Variants in NEK11 observed in about 807,000 individuals in gnomAD.
NEK11 encodes the protein NIMA related kinase 11, also known as serine/threonine-protein kinase Nek11.
In NEK11, 72 loss-of-function variants were observed where a neutral mutation model predicts 80.7. The ratio of observed to expected loss-of-function variants is 0.89; its 90% CI spans 0.74 to 1.08. NEK11 has a LOEUF of 1.08. NEK11 is among the 50% of genes least tolerant of loss of function. The pLI is 0.00. For missense variants in NEK11, 764 were observed against 763.6 expected (o/e 1.00, Z -0.01); for synonymous variants, 251 against 260.7 (o/e 0.96, Z 0.36).
At chr3:131,041,333 C>A (rs181545690) in intron 3 of NEK11, among the ~76,000 whole-genome samples, 15 of 152,214 alleles carry the variant, frequency 9.9e-5, no homozygotes, top group Admixed American at 9.8e-4. Flanking sequence ...ATGAATTGGA[C>A]CTGACACATA....
At chr3:131,038,667 T>G (rs2066001871) in intron 3 of NEK11, among the ~76,000 whole-genome samples, 1 of 152,220 alleles carries the variant, frequency 6.6e-6, no homozygotes, top group Non-Finnish European at 1.5e-5. Context: ...TCAAAAATTC[T>G]TCTTAAAAAT....
intron 14 of NEK11, among the ~76,000 whole-genome samples, chr3:131,194,489 A>G (rs1229332605): frequency 6.6e-6 from 1 of 152,106 alleles, no homozygotes; most frequent in Non-Finnish European, 1.5e-5. Context: ...GAAATGCATA[A>G]TATTTCCTTA....
chr3:131,327,948 G>GGCTACATCTGCAGCATGTGGCACATACT lies in NEK11; in HGVS notation c.1719-21608_1719-21581dup, dbSNP rs770867275. 2.4e-3 allele frequency among the ~76,000 whole-genome samples: 366 copies of GGCTACATCTGCAGCATGTGGCACATACT among 152,206 alleles called. 2 individuals carry two copies. Among genetic ancestry groups the GGCTACATCTGCAGCATGTGGCACATACT allele is most frequent in the Non-Finnish European group, 4.0e-3 (269 of 68,006 alleles). ...GAGGTCTGTGAGGTCAGAGGCTTGT[G>GGCTACATCTGCAGCATGTGGCACATACT]GCTACATCTGCAGCATGTGGCACAT... On this transcript the variant is annotated intron_variant, in intron 17 of 17. Coordinates refer to ENST00000383366, the MANE Select transcript of NEK11 (RefSeq NM_024800.5).
At chr3:131,079,648 A>G (rs2074921840) in intron 3 of NEK11, among the ~76,000 whole-genome samples, 1 of 152,164 alleles carries the variant, frequency 6.6e-6, no homozygotes, top group Admixed American at 6.5e-5. Flanking sequence ...ATTCCCAAAG[A>G]GTTATCACAA....
intron 3 of NEK11, among the ~76,000 whole-genome samples, chr3:131,052,694 T>A (rs2068642090): frequency 6.6e-6 from 1 of 152,174 alleles, no homozygotes; most frequent in African/African-American, 2.4e-5. Flanking sequence ...GTTGTAAAAT[T>A]GTCTAGTTTT....
intron 3 of NEK11, among the ~76,000 whole-genome samples, chr3:131,054,794 GAATGAA>G (rs2069119907): frequency 8.6e-6 from 1 of 116,114 alleles, no homozygotes; most frequent in Admixed American, 8.7e-5. Flanking sequence ...ATAAATAAAT[GAATGAA>G]TGTACCCGGT....
At chr3:131,341,672 G>C (rs1258569170) in intron 17 of NEK11, among the ~76,000 whole-genome samples, 1 of 152,090 alleles carries the variant, frequency 6.6e-6, no homozygotes, top group East Asian at 1.9e-4. Context: ...TTTTGATTCT[G>C]TTTTATTAGA....
At chr3:131,187,135 T>C (rs1479650647) in intron 14 of NEK11, among the ~76,000 whole-genome samples, 1 of 152,156 alleles carries the variant, frequency 6.6e-6, no homozygotes, top group East Asian at 1.9e-4. Context: ...TGCTGTCTGA[T>C]TTGAAATCCA....
intron 17 of NEK11, among the ~76,000 whole-genome samples, chr3:131,307,746 G>A (rs990343887): frequency 6.6e-6 from 1 of 152,198 alleles, no homozygotes; most frequent in African/African-American, 2.4e-5. Flanking sequence ...AGCTTATCAT[G>A]TGATGTTTTA....
Position 131,170,774 on chromosome 3 carries a change from A to T in NEK11, c.1286A>T (p.Glu429Val). Residue 429 changes from glutamate to valine, a missense_variant and splice_region_variant, in exon 14 of 18, where the codon GAA (glutamate) becomes GTA (valine). Coordinates refer to ENST00000383366, the MANE Select transcript of NEK11 (RefSeq NM_024800.5). ...DEERWQGREE[E>V]SDEPTLENLP... ...GAATTGTTAATTACCTTCCACAAGG[A>T]ATCTGATGAACCAACTTTAGAGAAC... The T allele has an allele frequency of 6.2e-7, 1 of 1,600,212 alleles. No homozygotes were observed. Among genetic ancestry groups the T allele is most frequent in the Non-Finnish European group, 8.6e-7 (1 of 1,167,304 alleles).
chr3:131,210,356 G>C (rs1432337869), intron 14 of NEK11, among the ~76,000 whole-genome samples: 1 of 152,274 alleles, frequency 6.6e-6, no homozygotes, highest in East Asian at 1.9e-4. Flanking sequence ...TATAATTTCT[G>C]TTCTTTTACG....
At chr3:131,147,954 A>G (rs2088734849) in intron 7 of NEK11, among the ~76,000 whole-genome samples, 1 of 151,938 alleles carries the variant, frequency 6.6e-6, no homozygotes, top group African/African-American at 2.4e-5. Flanking sequence ...AAAATAATAA[A>G]CTTTCAATAT....
At chr3:131,261,253 C>A (rs1456252177) in intron 16 of NEK11, among the ~76,000 whole-genome samples, 1 of 152,158 alleles carries the variant, frequency 6.6e-6, no homozygotes, top group East Asian at 1.9e-4. Context: ...CATCCAATTG[C>A]CAAATGTGTC....
At chr3:131,342,745 G>A (rs1426754212) in intron 17 of NEK11, among the ~76,000 whole-genome samples, 1 of 151,730 alleles carries the variant, frequency 6.6e-6, no homozygotes, top group African/African-American at 2.4e-5. Context: ...GTGTGTGTGT[G>A]TATATGTATG....
intron 17 of NEK11, among the ~76,000 whole-genome samples, chr3:131,290,729 G>A (rs2096535035): frequency 1.3e-5 from 2 of 152,146 alleles, no homozygotes; most frequent in Admixed American, 1.3e-4. Context: ...GCCAAACTCT[G>A]TAAGATCAGA....
At chr3:131,227,923 T>C (rs900757953) in intron 14 of NEK11, among the ~76,000 whole-genome samples, 14 of 152,148 alleles carry the variant, frequency 9.2e-5, no homozygotes, top group African/African-American at 3.4e-4. Context: ...TTAAAATAAG[T>C]GCTGAATGTA....
intron 17 of NEK11, among the ~76,000 whole-genome samples, chr3:131,302,973 A>G (rs2096678345): frequency 6.6e-6 from 1 of 152,158 alleles, no homozygotes; most frequent in East Asian, 1.9e-4. Context: ...TTGTGTGGTT[A>G]TCTAAGTCTC....
chr3:131,346,174 T>C (rs1292237434), intron 17 of NEK11, among the ~76,000 whole-genome samples: 1 of 152,136 alleles, frequency 6.6e-6, no homozygotes, highest in Non-Finnish European at 1.5e-5. Context: ...TTTTGTTAAA[T>C]AAGTAGATTT....
chr3:131,029,673 A>G lies in NEK11; in HGVS notation c.-36A>G, dbSNP rs2064487566. The G allele has an allele frequency of 6.3e-7, 1 of 1,598,490 alleles. No homozygotes were observed. The highest frequency in any genetic ancestry group is 8.6e-7 in the Non-Finnish European group (1 of 1,168,516). On this transcript the variant is annotated 5_prime_UTR_variant, in exon 3 of 18. Transcript: ENST00000383366. ...TAGGAGACTGGAATGTTAAGTTTCTATAAATGAATGAACCAGTTCTCTCTT... is the reference window on the plus strand; with the variant it reads ...TAGGAGACTGGAATGTTAAGTTTCTGTAAATGAATGAACCAGTTCTCTCTT...
Sources: gnomAD v4.1 joint callset for allele counts (sites outside exome capture counted in the v4.1 genomes callset) on GRCh38, gnomAD v4.1.1 for gene constraint, MANE v1.5 for transcripts, NCBI Gene and HGNC (gene_info 2026-07-23, HGNC 2026-07-21) for gene names.